CCDC172: variants seen among roughly 807,000 people sequenced by gnomAD.
CCDC172 encodes the protein coiled-coil domain containing 172.
CCDC172 carries 30 observed loss-of-function variants against 38.0 expected under a neutral mutation model. The observed-to-expected ratio is 0.79, with a 90% CI of 0.59 to 1.07. The LOEUF is 1.07. Among genes scored for constraint, CCDC172 ranks in the 50% least tolerant of loss-of-function variants. CCDC172 has a pLI of 0.00. For synonymous variants in CCDC172, 78 were observed against 88.3 expected, an observed-to-expected ratio of 0.88 and a Z score of 0.66; for missense variants, 297 against 290.1, an observed-to-expected ratio of 1.02 and a Z score of -0.17.
At chr10:116,344,984 T>C (rs1256304747) in intron 5 of CCDC172, among the ~76,000 whole-genome samples, 2 of 151,972 alleles carry the variant, frequency 1.3e-5, no homozygotes, top group African/African-American at 4.8e-5. Flanking sequence ...TTCAGGGACA[T>C]GGAGCTATCA....
chr10:116,324,836 A>C (rs1006793628), intron 1 of CCDC172, 111 bp from the exon 2 acceptor site: 30 of 614,120 alleles, frequency 4.9e-5, no homozygotes, highest in Non-Finnish European at 8.1e-5. Flanking sequence ...CCCCTCAGAC[A>C]CCGTCTGGCG....
At chr10:116,359,268 A>G (rs1468284583) in intron 7 of CCDC172, among the ~76,000 whole-genome samples, 1 of 152,166 alleles carries the variant, frequency 6.6e-6, no homozygotes, top group East Asian at 1.9e-4. Flanking sequence ...AAAAAACAAT[A>G]AGACATTGAT....
chr10:116,362,545 T>C (rs1845077177), intron 7 of CCDC172, among the ~76,000 whole-genome samples: 1 of 152,222 alleles, frequency 6.6e-6, no homozygotes. Flanking sequence ...TAGAGTAATA[T>C]GAATTGTTAC....
At chr10:116,358,089 G>A in intron 7 of CCDC172, 151 bp downstream of exon 7, 1 of 561,320 alleles carries the variant, frequency 1.8e-6, no homozygotes, top group East Asian at 3.3e-5. Flanking sequence ...GTGCTAATAA[G>A]GAAACACTTC....
chr10:116,356,204 C>T (rs933397782), intron 5 of CCDC172, among the ~76,000 whole-genome samples: 5 of 151,946 alleles, frequency 3.3e-5, no homozygotes, highest in African/African-American at 1.2e-4. Context: ...GTGGCGAGCA[C>T]CTGTAATCGC....
intron 7 of CCDC172, among the ~76,000 whole-genome samples, chr10:116,363,942 A>AT (rs1845093498): frequency 6.6e-6 from 1 of 151,652 alleles, no homozygotes; most frequent in Non-Finnish European, 1.5e-5. Flanking sequence ...AAAAAAAAAA[A>AT]AAAAAAATAA....
rs1845018706 is a variant in CCDC172 at position 116,357,884 on chromosome 10, A to G, written c.599A>G (p.Glu200Gly). 1.3e-6 allele frequency: 2 copies of G among 1,573,538 alleles called. No homozygotes were observed. Among genetic ancestry groups the G allele is most frequent in the Middle Eastern group, 1.7e-4 (1 of 5,930 alleles). The change falls in exon 7 of 9, where the codon GAG (glutamate) becomes GGG (glycine). Residue 200 changes from glutamate to glycine, a missense_variant. Glu to Gly is a moderately conservative substitution (Grantham distance 98). Coordinates refer to ENST00000333254, the MANE Select transcript of CCDC172 (RefSeq NM_198515.3). The stretch of plus-strand genomic sequence containing the variant: ...TCCATTTGTACTACCAAATATCTAG[A>G]GGCAGAAAAAATAAAAATCAGTGAA... ...NESICTTKYL[E>G]AEKIKISEKP...
intron 7 of CCDC172, among the ~76,000 whole-genome samples, chr10:116,360,670 C>T (rs2134954993): frequency 6.6e-6 from 1 of 152,200 alleles, no homozygotes; most frequent in East Asian, 1.9e-4. Flanking sequence ...GAAAGGCAAA[C>T]TGGGAAATGT....
At chr10:116,359,960 G>A (rs546193641) in intron 7 of CCDC172, among the ~76,000 whole-genome samples, 1 of 152,258 alleles carries the variant, frequency 6.6e-6, no homozygotes, top group South Asian at 2.1e-4. Context: ...AGTGGTCTCT[G>A]CTTTAGGTAA....
chr10:116,339,408 T>C (rs1455743154), intron 3 of CCDC172, among the ~76,000 whole-genome samples: 1 of 151,924 alleles, frequency 6.6e-6, no homozygotes, highest in African/African-American at 2.4e-5. Context: ...GATTTCATGA[T>C]CATACCCTAG....
chr10:116,358,751 A>C (rs1845031070), intron 7 of CCDC172, among the ~76,000 whole-genome samples: 1 of 152,206 alleles, frequency 6.6e-6, no homozygotes, highest in Admixed American at 6.5e-5. Flanking sequence ...ATAAGCATAA[A>C]ATATCAATCT....
At chr10:116,359,846 G>A (rs189482286) in intron 7 of CCDC172, among the ~76,000 whole-genome samples, 49 of 152,032 alleles carry the variant, frequency 3.2e-4, no homozygotes, top group African/African-American at 8.7e-4. Flanking sequence ...CTTTTATAAC[G>A]ATTATGGTTC....
chr10:116,332,545 T>A (rs558701689), intron 3 of CCDC172, among the ~76,000 whole-genome samples: 1 of 152,166 alleles, frequency 6.6e-6, no homozygotes, highest in Non-Finnish European at 1.5e-5. Context: ...AATTATTGAG[T>A]CAAACCTTTT....
chr10:116,336,259 ATATAT>A (rs1844731877), intron 3 of CCDC172, among the ~76,000 whole-genome samples: 1 of 148,426 alleles, frequency 6.7e-6, no homozygotes, highest in Non-Finnish European at 1.5e-5. Context: ...AGTATGTAGT[ATATAT>A]TATATGTGAT....
intron 3 of CCDC172, among the ~76,000 whole-genome samples, chr10:116,337,510 A>T (rs1408351609): frequency 6.6e-6 from 1 of 152,170 alleles, no homozygotes; most frequent in Non-Finnish European, 1.5e-5. Context: ...ACAGATAGAA[A>T]TGAAAAAGAG....
At position 116,325,368 on chromosome 10, in the gene CCDC172, A is replaced by T. The variant is rs964498108; in HGVS notation, c.145A>T (p.Lys49Ter). ...KKATEELNEEKIKLESKVQQF... is the reference protein window; with the variant it reads ...KKATEELNEE ...AGCAACGGAGGAGCTGAATGAAGAG[A>T]AAATCAAGCTGGAATCTAAGGTATT... The change falls in exon 3 of 9, where the codon AAA becomes TAA. Residue 49 changes from lysine to a stop codon, truncating the protein, a stop_gained. Coordinates refer to ENST00000333254, the MANE Select transcript of CCDC172 (RefSeq NM_198515.3). LOFTEE classifies it high-confidence loss of function. The T allele has an allele frequency of 3.7e-6, 6 of 1,613,646 alleles. No homozygotes were observed. The African/African-American group carries it at 8.0e-5, about 22-fold the overall frequency.
intron 7 of CCDC172, among the ~76,000 whole-genome samples, chr10:116,365,899 G>C (rs2134962019): frequency 6.6e-6 from 1 of 152,222 alleles, no homozygotes; most frequent in South Asian, 2.1e-4. Flanking sequence ...TGTAACCTAT[G>C]ATCATCTGCT....
chr10:116,358,582 T>C (rs1026165861), intron 7 of CCDC172, among the ~76,000 whole-genome samples: 1 of 152,132 alleles, frequency 6.6e-6, no homozygotes, highest in African/African-American at 2.4e-5. Flanking sequence ...CATTACTGGA[T>C]CTATGAAGAA....
chr10:116,351,112 T>C (rs1844925939), intron 5 of CCDC172, among the ~76,000 whole-genome samples: 1 of 152,184 alleles, frequency 6.6e-6, no homozygotes, highest in East Asian at 1.9e-4. Flanking sequence ...TCAGAAATAC[T>C]TAAATCCAGT....
Sources: allele counts gnomAD v4.1 joint callset (sites outside exome capture counted in the v4.1 genomes callset), GRCh38; gene constraint gnomAD v4.1.1; transcripts MANE v1.5; gene names NCBI Gene and HGNC (gene_info 2026-07-23, HGNC 2026-07-21).